Variants in ERO1B observed in about 807,000 individuals in gnomAD.
The protein encoded by ERO1B is endoplasmic reticulum oxidoreductase 1 beta, also known as ERO1-like protein beta.
Under a neutral mutation model 75.3 loss-of-function variants are expected in ERO1B, and 49 were observed. That is an observed-to-expected ratio of 0.65 (90% CI 0.52 to 0.83). ERO1B has a LOEUF of 0.83. Ranked by LOEUF, ERO1B falls within the 40% of genes least tolerant of loss-of-function variation. ERO1B has a pLI of 0.00. For missense variants in ERO1B, 512 were observed against 560.1 expected, an observed-to-expected ratio of 0.91 and a Z score of 0.87; for synonymous variants, 191 against 192.9, an observed-to-expected ratio of 0.99 and a Z score of 0.08.
intron 2 of ERO1B, among the ~76,000 whole-genome samples, chr1:236,257,600 A>G (rs953447276): frequency 6.6e-6 from 1 of 151,264 alleles, no homozygotes; most frequent in African/African-American, 2.4e-5. Context: ...TTAGAAGCCA[A>G]CCCTACTGAA....
intron 2 of ERO1B, among the ~76,000 whole-genome samples, chr1:236,267,427 T>C (rs1306779709): frequency 1.3e-5 from 2 of 152,216 alleles, no homozygotes; most frequent in Non-Finnish European, 2.9e-5. Context: ...AAACGAGATA[T>C]TCATTCAAAC....
chr1:236,255,472 T>C (rs1726651), intron 2 of ERO1B, among the ~76,000 whole-genome samples: 38,555 of 152,042 alleles, frequency 0.25, 5,039 homozygotes, highest in East Asian at 0.38. Flanking sequence ...CTGCGCCTCC[T>C]ACCATAAGGA....
chr1:236,277,483 G>A (rs1665736221), intron 1 of ERO1B, among the ~76,000 whole-genome samples: 1 of 152,044 alleles, frequency 6.6e-6, no homozygotes, highest in Admixed American at 6.6e-5. Flanking sequence ...TGATGATCCA[G>A]GAAAGAAAGA....
At chr1:236,238,869 T>C (rs988335562) in intron 6 of ERO1B, among the ~76,000 whole-genome samples, 3 of 152,086 alleles carry the variant, frequency 2.0e-5, no homozygotes, top group Non-Finnish European at 4.4e-5. Context: ...AAAACCATGA[T>C]TCAGATATTA....
chr1:236,222,975 G>T (rs1664192002), intron 13 of ERO1B, among the ~76,000 whole-genome samples: 2 of 152,108 alleles, frequency 1.3e-5, no homozygotes, highest in Non-Finnish European at 2.9e-5. Context: ...GGAGACCAAG[G>T]TGTGATCACT....
At chr1:236,247,557 A>AG (rs1664915827) in intron 5 of ERO1B, among the ~76,000 whole-genome samples, 1 of 152,188 alleles carries the variant, frequency 6.6e-6, no homozygotes, top group Non-Finnish European at 1.5e-5. Context: ...TCACGTAATA[A>AG]GGCTTCTGCA....
intron 2 of ERO1B, among the ~76,000 whole-genome samples, chr1:236,265,228 T>C (rs921452706): frequency 1.3e-5 from 2 of 152,190 alleles, no homozygotes; most frequent in African/African-American, 4.8e-5. Context: ...TATGCTGATG[T>C]TAGGACTGAA....
In ERO1B at chr1:236,218,561, T is replaced by A; in HGVS notation, c.1359A>T (p.Ile453=). The A allele has an allele frequency of 7.2e-7, 1 of 1,390,800 alleles. No homozygotes were observed. 86.2% of individuals were successfully genotyped at this position (1,390,800 alleles called of 1,614,324 possible). A position where few individuals can be genotyped will look rare whatever the true frequency, so the allele number is the denominator to read the frequency against. ...LNAFGRLSTS[I]RDLQNFKVLL... is the part of the protein sequence containing the mutation. ...AGACTTTAAAATTCTGTAAGTCTCT[T>A]ATACTTGTAGAAAGCCTATGGAAGA... is the stretch of plus-strand genomic sequence containing the variant. The change falls in exon 16 of 16, where the codon ATA becomes ATT. Residue 453 remains isoleucine (I), a synonymous_variant. Transcript: ENST00000354619.
At chr1:236,231,893 A>G (rs1028367537) in intron 9 of ERO1B, among the ~76,000 whole-genome samples, 7 of 152,154 alleles carry the variant, frequency 4.6e-5, no homozygotes, top group African/African-American at 1.7e-4. Context: ...ACTAAAAAAT[A>G]TGGCCTCTAT....
In ERO1B at chr1:236,226,433, A is replaced by G. The variant is rs753525753; in HGVS notation, c.888T>C (p.Gly296=). 1 of 1,614,106 alleles carries G rather than the reference A, an allele frequency of 6.2e-7. No homozygotes were observed. Among genetic ancestry groups the G allele is most frequent in the South Asian group, 1.1e-5 (1 of 91,086 alleles). ...AGTAAAGATTCTTGAGCCTTCTTGG[A>G]CCTTCTCCCTTGGTTTCCACAGGGT... ...RFDPVETKGE[G]PRRLKNLYFL... Residue 296 remains glycine, a synonymous_variant, in exon 12 of 16, where the codon GGT becomes GGC. Transcript: ENST00000354619.
intron 4 of ERO1B, among the ~76,000 whole-genome samples, chr1:236,250,752 A>G (rs942171777): frequency 3.3e-5 from 5 of 151,582 alleles, no homozygotes; most frequent in Admixed American, 3.3e-4. Flanking sequence ...ACACATACAC[A>G]CACACGTTTG....
rs193193420 is a variant in ERO1B at position 236,275,693 on chromosome 1, T to C, written c.103-5699A>G. Reference sequence around the variant, plus strand: ...GCCCCCAATCCTGAGGCTATCTATGTAGGGTCCCCGTCTTAAGTCATTTCA... The same window carrying C: ...GCCCCCAATCCTGAGGCTATCTATGCAGGGTCCCCGTCTTAAGTCATTTCA... On this transcript the variant is annotated intron_variant, in intron 1 of 15. Transcript: ENST00000354619. 2.3e-4 allele frequency among the ~76,000 whole-genome samples: 35 copies of C among 152,286 alleles called. No homozygotes were observed. In the East Asian group the frequency reaches 5.0e-3, roughly 22 times the overall value.
At chr1:236,252,156 C>T (rs980756369) in intron 3 of ERO1B, 65 bp from the exon 4 acceptor site, 33 of 1,063,976 alleles carry the variant, frequency 3.1e-5, no homozygotes, top group East Asian at 4.8e-5. Context: ...AATTTCTTCA[C>T]GAATTGTCAA....
At position 236,279,705 on chromosome 1, in the gene ERO1B, C is replaced by T. The variant is rs1392895434; in HGVS notation, c.102+1977G>A. 2.6e-5 allele frequency among the ~76,000 whole-genome samples: 4 copies of T among 151,190 alleles called. No individual in the cohort carries two copies. The South Asian group carries it at 6.3e-4, about 24-fold the overall frequency. On this transcript the variant is annotated intron_variant, in intron 1 of 15. Coordinates refer to ENST00000354619, the MANE Select transcript of ERO1B (RefSeq NM_019891.4). ...AACACACACACAAAAATTAGCCAGG[C>T]GCGGTGGCAAGCACCTGTAATCCCA...
chr1:236,226,430 T>G lies in ERO1B; in HGVS notation c.891A>C (p.Pro297=). The G allele has an allele frequency of 1.9e-6, 3 of 1,614,178 alleles. No homozygotes were observed. The highest frequency in any genetic ancestry group is 2.5e-6 in the Non-Finnish European group (3 of 1,180,016). The stretch of plus-strand genomic sequence containing the variant: ...AAAAGTAAAGATTCTTGAGCCTTCT[T>G]GGACCTTCTCCCTTGGTTTCCACAG... The part of the protein sequence containing the change: ...FDPVETKGEG[P]RRLKNLYFLY... Residue 297 remains proline (P), a synonymous_variant, in exon 12 of 16, where the codon CCA becomes CCC. Coordinates refer to ENST00000354619, the MANE Select transcript of ERO1B (RefSeq NM_019891.4).
chr1:236,232,486 A>G (rs1261970039), intron 9 of ERO1B, among the ~76,000 whole-genome samples: 4 of 152,228 alleles, frequency 2.6e-5, no homozygotes, highest in Admixed American at 6.5e-5. Context: ...AAGAAAATAA[A>G]GAGGTCACAA....
intron 2 of ERO1B, among the ~76,000 whole-genome samples, chr1:236,257,194 C>T (rs768147059): frequency 5.9e-5 from 9 of 152,082 alleles, no homozygotes; most frequent in Non-Finnish European, 8.8e-5. Flanking sequence ...CAAAGTTTTG[C>T]GAAACTAGAA....
At position 236,269,874 on chromosome 1, in the gene ERO1B, C is replaced by T; in HGVS notation, c.222+1G>A. On this transcript the variant is annotated splice_donor_variant, in intron 2 of 15. Transcript: ENST00000354619. LOFTEE classifies it high-confidence loss of function. ...AACAGAATAAAAAATTACAACCTTA[C>T]CTTGTAATAACGAAAATAGTCTCTC... is the stretch of plus-strand genomic sequence containing the variant. 1.9e-6 allele frequency: 3 copies of T among 1,582,474 alleles called. No homozygotes were observed. The highest frequency in any genetic ancestry group is 8.7e-7 in the Non-Finnish European group (1 of 1,152,164).
chr1:236,269,954 C>T lies in ERO1B; in HGVS notation c.143G>A (p.Ser48Asn), dbSNP rs765657324. 6.2e-7 allele frequency: 1 copy of T among 1,602,238 alleles called. No individual in the cohort carries two copies. The highest frequency in any genetic ancestry group is 8.5e-7 in the Non-Finnish European group (1 of 1,169,698). ...TTTGTAGGTATTGAAGTTATCGATG[C>T]TGTCAATATCACACAAGCAATCATC... ...VLDDCLCDID[S>N]IDNFNTYKIF... The change falls in exon 2 of 16, where the codon AGC becomes AAC. Residue 48 changes from serine to asparagine, a missense_variant. Physicochemically the swap from Ser to Asn is conservative, Grantham distance 46 (BLOSUM62 1). Transcript: ENST00000354619.
Sources: gnomAD v4.1 joint callset for allele counts (sites outside exome capture counted in the v4.1 genomes callset) on GRCh38, gnomAD v4.1.1 for gene constraint, MANE v1.5 for transcripts, NCBI Gene and HGNC (gene_info 2026-07-23, HGNC 2026-07-21) for gene names.